Variants in ZFHX4 observed in about 807,000 individuals in gnomAD.
ZFHX4 encodes the protein zinc finger homeobox 4.
In ZFHX4, 56 loss-of-function variants were observed where a neutral mutation model predicts 267.6. The observed-to-expected ratio is 0.21, with a 90% CI of 0.17 to 0.26. The LOEUF (loss-of-function observed/expected upper bound fraction) is 0.26, where lower values mean the gene tolerates loss of function less well. Among genes scored for constraint, ZFHX4 ranks in the 10% least tolerant of loss-of-function variants. The pLI is 1.00. For synonymous variants in ZFHX4, 1,778 were observed against 1,665.6 expected, an observed-to-expected ratio of 1.07 and a Z score of -1.64; for missense variants, 4,332 against 4,420.0, an observed-to-expected ratio of 0.98 and a Z score of 0.56.
chr8:76,797,351 A>T lies in ZFHX4; in HGVS notation c.3325+18912A>T, dbSNP rs150726508. Reference sequence around the variant, plus strand: ...GCTGATAAACCTAAAAAGAGATTTCATATGTATAACCATAAGATCACATCA... The same window carrying T: ...GCTGATAAACCTAAAAAGAGATTTCTTATGTATAACCATAAGATCACATCA... On this transcript the variant is annotated intron_variant, in intron 4 of 10. Coordinates refer to ENST00000651372, the MANE Select transcript of ZFHX4 (RefSeq NM_024721.5). Among the ~76,000 whole-genome samples, 5 of 152,336 alleles carry T rather than the reference A, an allele frequency of 3.3e-5. No individual in the cohort carries two copies. In the East Asian group the frequency reaches 5.8e-4, roughly 18 times the overall value.
chr8:76,807,002 A>C (rs1811262213), intron 4 of ZFHX4, among the ~76,000 whole-genome samples: 1 of 152,140 alleles, frequency 6.6e-6, no homozygotes. Flanking sequence ...GGCCTGTGAC[A>C]GGCATCCTTT....
intron 4 of ZFHX4, among the ~76,000 whole-genome samples, chr8:76,822,504 T>TCA (rs1423451402): frequency 7.0e-6 from 1 of 142,956 alleles, no homozygotes; most frequent in Non-Finnish European, 1.5e-5. Context: ...AGTGGCAAGA[T>TCA]CATAGCTCAC....
intron 1 of ZFHX4, among the ~76,000 whole-genome samples, chr8:76,697,627 T>G (rs1028825596): frequency 6.6e-6 from 1 of 152,060 alleles, no homozygotes; most frequent in East Asian, 1.9e-4. Context: ...TGTAATTTAC[T>G]TGAACTTTCA....
At chr8:76,783,189 A>T (rs754932435) in intron 4 of ZFHX4, among the ~76,000 whole-genome samples, 1 of 152,048 alleles carries the variant, frequency 6.6e-6, no homozygotes, top group Non-Finnish European at 1.5e-5. Context: ...TAAGAACATC[A>T]CTTTAACCTG....
intron 9 of ZFHX4, among the ~76,000 whole-genome samples, chr8:76,850,648 C>T (rs1015282953): frequency 1.3e-5 from 2 of 152,128 alleles, no homozygotes; most frequent in African/African-American, 4.8e-5. Context: ...GCTCTAATGA[C>T]CTTTGACTTG....
At chr8:76,837,208 T>C (rs1812114764) in intron 5 of ZFHX4, among the ~76,000 whole-genome samples, 1 of 152,040 alleles carries the variant, frequency 6.6e-6, no homozygotes, top group Non-Finnish European at 1.5e-5. Context: ...AGTTGTTTAA[T>C]AGAGGAGGCC....
chr8:76,795,368 G>A (rs1810949950), intron 4 of ZFHX4, among the ~76,000 whole-genome samples: 1 of 151,962 alleles, frequency 6.6e-6, no homozygotes, highest in African/African-American at 2.4e-5. Context: ...CAACCTTCAG[G>A]GCTCAAGTGA....
In ZFHX4 at chr8:76,864,035, C is replaced by G. The variant is rs770413497; in HGVS notation, c.10321C>G (p.Arg3441Gly). The stretch of plus-strand genomic sequence containing the variant: ...GATTGACCCACAAGAGACAGTGCTT[C>G]GTGTCCCAGTCAGCAAATATCAGTG... ...PLIDPQETVL[R>G]VPVSKYQCLA... Residue 3441 changes from arginine to glycine, a missense_variant, in exon 11 of 11, where the codon CGT (arginine) becomes GGT (glycine). This residue lies in a region of ZFHX4 where 1,648 missense variants were observed against 1,625.0 expected (regional missense o/e 1.01). Transcript: ENST00000651372. 9 of 1,613,842 alleles carry G rather than the reference C, an allele frequency of 5.6e-6. No homozygotes were observed. The highest frequency in any genetic ancestry group is 1.7e-5 in the Admixed American group (1 of 60,000).
intron 4 of ZFHX4, among the ~76,000 whole-genome samples, chr8:76,828,605 T>C (rs1428957362): frequency 6.6e-6 from 1 of 152,214 alleles, no homozygotes; most frequent in African/African-American, 2.4e-5. Flanking sequence ...TTTTATTGTA[T>C]TCATAGGCTC....
At chr8:76,749,906 A>G (rs1809569363) in intron 3 of ZFHX4, among the ~76,000 whole-genome samples, 1 of 152,176 alleles carries the variant, frequency 6.6e-6, no homozygotes, top group Non-Finnish European at 1.5e-5. Flanking sequence ...ATAAAATTAT[A>G]TATTCTTCCT....
At chr8:76,832,347 A>G (rs1029015027) in intron 4 of ZFHX4, among the ~76,000 whole-genome samples, 2 of 152,112 alleles carry the variant, frequency 1.3e-5, no homozygotes, top group African/African-American at 4.8e-5. Context: ...GTTACTATTT[A>G]CATAATTCTA....
chr8:76,683,597 G>A (rs1807609161), intron 1 of ZFHX4, among the ~76,000 whole-genome samples: 1 of 150,716 alleles, frequency 6.6e-6, no homozygotes, highest in African/African-American at 2.4e-5. Context: ...CAAGGATCAT[G>A]TAGATGGCAA....
chr8:76,744,866 T>C (rs1219931417), intron 3 of ZFHX4, among the ~76,000 whole-genome samples: 2 of 152,190 alleles, frequency 1.3e-5, no homozygotes, highest in African/African-American at 4.8e-5. Context: ...TCAGTATACG[T>C]CCTGTGCTTT....
intron 1 of ZFHX4, among the ~76,000 whole-genome samples, chr8:76,691,892 T>G (rs2131584599): frequency 6.6e-6 from 1 of 152,260 alleles, no homozygotes; most frequent in South Asian, 2.1e-4. Context: ...GTAAAGCAAG[T>G]CTACACAGAT....
intron 4 of ZFHX4, among the ~76,000 whole-genome samples, chr8:76,805,752 C>T (rs1292342299): frequency 2.2e-4 from 33 of 152,002 alleles, no homozygotes; most frequent in Admixed American, 2.0e-3. Flanking sequence ...CAATTTTACA[C>T]CCTGTAGCAC....
At chr8:76,749,503 A>C (rs1305378436) in intron 3 of ZFHX4, among the ~76,000 whole-genome samples, 1 of 152,216 alleles carries the variant, frequency 6.6e-6, no homozygotes, top group East Asian at 1.9e-4. Context: ...TTTGGTATCC[A>C]GAACTTTGGT....
At chr8:76,825,463 T>C (rs1469883670) in intron 4 of ZFHX4, among the ~76,000 whole-genome samples, 1 of 152,242 alleles carries the variant, frequency 6.6e-6, no homozygotes. Context: ...AACGTTCTCC[T>C]AATGAAATAC....
intron 4 of ZFHX4, among the ~76,000 whole-genome samples, chr8:76,828,433 A>C (rs1811844005): frequency 6.6e-6 from 1 of 152,200 alleles, no homozygotes; most frequent in Non-Finnish European, 1.5e-5. Context: ...GAAAAAGTTA[A>C]ACTGTCTGAG....
Position 76,843,205 on chromosome 8 carries a change from G to A in ZFHX4, c.3511+434G>A, listed in dbSNP as rs559024834. 1.4e-4 allele frequency among the ~76,000 whole-genome samples: 21 copies of A among 152,214 alleles called. 1 individual carries two copies. Among genetic ancestry groups the A allele is most frequent in the Middle Eastern group, 3.4e-3 (1 of 294 alleles). Reference sequence around the variant, plus strand: ...CACATGTATTCGCCCGCCAAACCACGTAACCCTAAAAATAAATGCAGTTTT... The same window carrying A: ...CACATGTATTCGCCCGCCAAACCACATAACCCTAAAAATAAATGCAGTTTT... On this transcript the variant is annotated intron_variant, in intron 6 of 10. Coordinates refer to ENST00000651372, the MANE Select transcript of ZFHX4 (RefSeq NM_024721.5).
Sources: gnomAD v4.1 joint callset for allele counts (sites outside exome capture counted in the v4.1 genomes callset) on GRCh38, gnomAD v4.1.1 for gene constraint, gnomAD v4.1.1 regional missense constraint, MANE v1.5 for transcripts, NCBI Gene and HGNC (gene_info 2026-07-23, HGNC 2026-07-21) for gene names.